MGAT4C: variants seen among roughly 807,000 people sequenced by gnomAD.
The protein encoded by MGAT4C is alpha-1,3-mannosyl-glycoprotein 4-beta-N-acetylglucosaminyltransferase C.
MGAT4C carries 19 observed loss-of-function variants against 40.1 expected under a neutral mutation model. The observed-to-expected ratio is 0.47, with a 90% confidence interval of 0.33 to 0.70. The LOEUF (loss-of-function observed/expected upper bound fraction) is 0.70. Among genes scored for constraint, MGAT4C ranks in the 30% least tolerant of loss-of-function variants. The pLI is 0.02. For synonymous variants in MGAT4C, 181 were observed against 187.1 expected, an observed-to-expected ratio of 0.97 and a Z score of 0.27; for missense variants, 491 against 563.2, an observed-to-expected ratio of 0.87 and a Z score of 1.30.
chr12:86,232,057 A>T (rs568230125), intron 1 of MGAT4C, among the ~76,000 whole-genome samples: 1 of 151,106 alleles, frequency 6.6e-6, no homozygotes, highest in South Asian at 2.1e-4. Flanking sequence ...CAAGAAAATC[A>T]CTTGAACCCG....
At chr12:86,530,819 C>T (rs1592956709) in intron 2 of MGAT4C, among the ~76,000 whole-genome samples, 1 of 151,960 alleles carries the variant, frequency 6.6e-6, no homozygotes, top group South Asian at 2.1e-4. Flanking sequence ...TTTTCCAATC[C>T]ATTTGAAGAA....
At chr12:86,723,501 G>A (rs530779121) in intron 2 of MGAT4C, among the ~76,000 whole-genome samples, 8 of 152,160 alleles carry the variant, frequency 5.3e-5, no homozygotes, top group East Asian at 3.9e-4. Context: ...TTTGTCTGTC[G>A]CTGGCCATCT....
intron 3 of MGAT4C, among the ~76,000 whole-genome samples, chr12:86,362,972 C>T (rs979632426): frequency 6.6e-6 from 1 of 150,494 alleles, no homozygotes; most frequent in Non-Finnish European, 1.5e-5. Flanking sequence ...AATATAAAGA[C>T]CAAAGGGTCA....
At chr12:86,043,015 T>C (rs979445399) in intron 2 of MGAT4C, among the ~76,000 whole-genome samples, 4 of 152,190 alleles carry the variant, frequency 2.6e-5, no homozygotes, top group Non-Finnish European at 4.4e-5. Flanking sequence ...CTTTCTTCTT[T>C]CATTTCGATC....
chr12:86,044,423 C>T (rs75055664), intron 2 of MGAT4C, among the ~76,000 whole-genome samples: 3,681 of 152,158 alleles, frequency 0.024, 155 homozygotes, highest in African/African-American at 0.084. Flanking sequence ...GGTGGGTTTG[C>T]GGCTGCCAGC....
chr12:86,604,681 A>G (rs1296660430), intron 2 of MGAT4C, among the ~76,000 whole-genome samples: 1 of 152,174 alleles, frequency 6.6e-6, no homozygotes, highest in East Asian at 1.9e-4. Flanking sequence ...CAATACTGAC[A>G]GTTGTTTTAT....
chr12:86,665,253 C>T (rs1964075078), intron 2 of MGAT4C, among the ~76,000 whole-genome samples: 1 of 152,282 alleles, frequency 6.6e-6, no homozygotes, highest in Non-Finnish European at 1.5e-5. Context: ...AGGTGGAAAA[C>T]ATTAATGGGT....
At chr12:86,602,746 G>A (rs1409136605) in intron 2 of MGAT4C, among the ~76,000 whole-genome samples, 1 of 152,020 alleles carries the variant, frequency 6.6e-6, no homozygotes, top group African/African-American at 2.4e-5. Flanking sequence ...TTTACCACCT[G>A]TAATGAGTTG....
intron 2 of MGAT4C, among the ~76,000 whole-genome samples, chr12:86,656,829 A>G (rs1364292516): frequency 6.6e-6 from 1 of 152,054 alleles, no homozygotes; most frequent in Non-Finnish European, 1.5e-5. Flanking sequence ...CACATTTCTA[A>G]TTAATTGACT....
intron 3 of MGAT4C, among the ~76,000 whole-genome samples, chr12:86,355,859 T>C (rs1359490605): frequency 1.3e-5 from 2 of 152,282 alleles, no homozygotes; most frequent in South Asian, 2.1e-4. Context: ...AAATAGGCTG[T>C]ATTTTGCCTC....
intron 2 of MGAT4C, among the ~76,000 whole-genome samples, chr12:86,021,577 A>T (rs1889735231): frequency 9.0e-6 from 1 of 111,290 alleles, no homozygotes; most frequent in Admixed American, 1.3e-4. Context: ...ATCACACACC[A>T]GGGCCTGCTG....
In MGAT4C at chr12:86,191,835, G is replaced by C. The variant is rs1162102177; in HGVS notation, c.-57+64404C>G. Among the ~76,000 whole-genome samples the C allele has an allele frequency of 4.3e-5, 6 of 140,966 alleles. No homozygotes were observed. In the Admixed American group the frequency reaches 4.3e-4, roughly 10 times the overall value. The allele number at this position is 140,966 out of a possible 152,430, so 92.5% of individuals were successfully genotyped here. A position where few individuals can be genotyped will look rare whatever the true frequency, so the allele number is the denominator to read the frequency against. ...AAACTTTCACAATAGCAATGACTTGGAACCAACCCAAATGTCCATCAATGA... is the reference window on the plus strand; with the variant it reads ...AAACTTTCACAATAGCAATGACTTGCAACCAACCCAAATGTCCATCAATGA... On this transcript the variant is annotated intron_variant, in intron 1 of 4. Transcript: ENST00000611864.
At chr12:86,514,622 T>C (rs962391074) in intron 2 of MGAT4C, among the ~76,000 whole-genome samples, 26 of 152,220 alleles carry the variant, frequency 1.7e-4, no homozygotes, top group African/African-American at 6.3e-4. Context: ...ATCTTCTGCC[T>C]TTCTCTTCCA....
At chr12:86,146,895 T>G (rs1883590691) in intron 1 of MGAT4C, among the ~76,000 whole-genome samples, 1 of 152,094 alleles carries the variant, frequency 6.6e-6, no homozygotes, top group African/African-American at 2.4e-5. Flanking sequence ...TCCTTGCATT[T>G]TCCACACCTG....
intron 2 of MGAT4C, among the ~76,000 whole-genome samples, chr12:86,509,548 T>G (rs1262592280): frequency 2.6e-5 from 4 of 152,242 alleles, no homozygotes; most frequent in South Asian, 2.1e-4. Flanking sequence ...ATGGGGGCTC[T>G]TTTTTGGTTC....
At chr12:86,837,379 G>A (rs1953058699) in intron 1 of MGAT4C, among the ~76,000 whole-genome samples, 1 of 152,024 alleles carries the variant, frequency 6.6e-6, no homozygotes, top group African/African-American at 2.4e-5. Context: ...TACGATTTGG[G>A]TGACTCAATC....
At position 86,355,926 on chromosome 12, in the gene MGAT4C, T is replaced by C. The variant is rs187659928; in HGVS notation, c.-119-21799A>G. On this transcript the variant is annotated intron_variant, in intron 3 of 7. Coordinates refer to the MGAT4C transcript ENST00000548651. ...TGCTGTTATAAAAGTTATAAAATTA[T>C]TTGAGCAGTTTTCAAAGTATGTAGA... Among the ~76,000 whole-genome samples, 10 of 152,206 alleles carry C rather than the reference T, an allele frequency of 6.6e-5. No individual in the cohort carries two copies. In the East Asian group the frequency reaches 1.7e-3, roughly 27 times the overall value.
At chr12:86,764,344 T>C (rs1951462116) in intron 1 of MGAT4C, among the ~76,000 whole-genome samples, 1 of 151,822 alleles carries the variant, frequency 6.6e-6, no homozygotes, top group South Asian at 2.1e-4. Flanking sequence ...CTTGATTAGG[T>C]AAACAAAGCA....
At chr12:86,354,961 T>A (rs1312283593) in intron 3 of MGAT4C, among the ~76,000 whole-genome samples, 3 of 152,230 alleles carry the variant, frequency 2.0e-5, no homozygotes, top group Admixed American at 6.5e-5. Context: ...GGGGTGCCAC[T>A]GCTGGCTGGG....
Sources: gnomAD v4.1 joint callset for allele counts (sites outside exome capture counted in the v4.1 genomes callset) on GRCh38, gnomAD v4.1.1 for gene constraint, MANE v1.5 for transcripts, NCBI Gene and HGNC (gene_info 2026-07-23, HGNC 2026-07-21) for gene names.